The following TOMM70 variants were observed in gnomAD, a reference collection of about 807,000 sequenced individuals.
TOMM70 encodes translocase of outer mitochondrial membrane 70.
In TOMM70, 13 loss-of-function variants were observed where a neutral mutation model predicts 73.6. That is an observed-to-expected ratio of 0.18 (90% CI 0.11 to 0.28). The LOEUF (loss-of-function observed/expected upper bound fraction) is 0.28, where lower values mean the gene tolerates loss of function less well. TOMM70 is among the 10% of genes least tolerant of loss of function. The pLI, the probability that TOMM70 is intolerant of heterozygous loss-of-function variation, is 1.00. For synonymous variants in TOMM70, 257 were observed against 271.2 expected (o/e 0.95, Z 0.51); for missense variants, 609 against 747.5 (o/e 0.81, Z 2.16).
rs539804269 is a variant in TOMM70 at position 100,401,033 on chromosome 3, G to A, written c.-84C>T. 44 of 1,393,654 alleles carry A rather than the reference G, an allele frequency of 3.2e-5. No homozygotes were observed. In the African/African-American group the frequency reaches 5.3e-4, roughly 17 times the overall value. 86.3% of individuals were successfully genotyped at this position (1,393,654 alleles called of 1,614,324 possible). On this transcript the variant is annotated 5_prime_UTR_variant, in exon 1 of 12. Transcript: ENST00000284320. ...GCGTGCGAAGGAAGACCGAGGGAGG[G>A]AAGGAAAGCAATGAGCGAGCGAGCA...
intron 6 of TOMM70, among the ~76,000 whole-genome samples, chr3:100,375,979 C>T (rs185938279): frequency 1.2e-4 from 18 of 152,078 alleles, no homozygotes; most frequent in Non-Finnish European, 2.1e-4. Flanking sequence ...TAATATATTT[C>T]CACCAGCAAT....
At chr3:100,373,730 C>A in intron 7 of TOMM70, 85 bp from the exon 8 acceptor site, 1 of 821,426 alleles carries the variant, frequency 1.2e-6, no homozygotes. Context: ...TACACCTCAG[C>A]ATAATGCTGA....
intron 1 of TOMM70, among the ~76,000 whole-genome samples, chr3:100,398,866 C>G (rs984615848): frequency 6.6e-6 from 1 of 152,230 alleles, no homozygotes; most frequent in African/African-American, 2.4e-5. Flanking sequence ...TAATGCTTCA[C>G]TCTCCCATAG....
chr3:100,374,461 T>G (rs543469432), intron 7 of TOMM70, among the ~76,000 whole-genome samples: 1 of 152,342 alleles, frequency 6.6e-6, no homozygotes, highest in Non-Finnish European at 1.5e-5. Flanking sequence ...TAGCTCACAC[T>G]TTATACCATA....
In TOMM70 at chr3:100,372,529, G is replaced by A. The variant is rs983792112; in HGVS notation, c.1452+77C>T. Reference sequence around the variant, plus strand: ...TTCCAAAGAAGCTGCAACCATGATAGCACTGTTTTCTGATTTCCATACTGA... The same window carrying A: ...TTCCAAAGAAGCTGCAACCATGATAACACTGTTTTCTGATTTCCATACTGA... On this transcript the variant is annotated intron_variant, in intron 9 of 11. Transcript: ENST00000284320. The A allele has an allele frequency of 3.0e-5, 35 of 1,161,252 alleles. 1 individual carries two copies. The highest frequency in any genetic ancestry group is 4.1e-5 in the Non-Finnish European group (33 of 798,244). 71.9% of individuals were successfully genotyped at this position (1,161,252 alleles called of 1,614,324 possible).
intron 1 of TOMM70, among the ~76,000 whole-genome samples, 167 bp from the exon 2 acceptor site, chr3:100,387,145 T>C (rs143799432): frequency 2.0e-5 from 3 of 152,314 alleles, no homozygotes; most frequent in Non-Finnish European, 4.4e-5. Flanking sequence ...GTAGGATTGT[T>C]GAGTCAAAAA....
chr3:100,386,971 A>G lies in TOMM70; in HGVS notation c.332T>C (p.Leu111Pro), dbSNP rs765666545. 1 of 1,613,482 alleles carries G rather than the reference A, an allele frequency of 6.2e-7. No individual in the cohort carries two copies. Among genetic ancestry groups the G allele is most frequent in the Non-Finnish European group, 8.5e-7 (1 of 1,179,854 alleles). ...ATTCTTGGCTGCTTGGGCTCTATCA[A>G]GAGAGTTCTGAAATGAGAGGAAACA... ...GPGAHLDMNS[L>P]DRAQAAKNKG... Residue 111 changes from leucine to proline, a missense_variant, in exon 2 of 12, where the codon CTT becomes CCT. This residue lies in a region of TOMM70 where 177 missense variants were observed against 163.5 expected (regional missense o/e 1.08). Coordinates refer to ENST00000284320, the MANE Select transcript of TOMM70 (RefSeq NM_014820.5).
In TOMM70 at chr3:100,365,344, TA is replaced by T; in HGVS notation, c.*219del. The T allele has an allele frequency of 1.9e-6, 1 of 530,596 alleles. No homozygotes were observed. The highest frequency in any genetic ancestry group is 3.2e-6 in the Non-Finnish European group (1 of 311,474). 32.9% of individuals were successfully genotyped at this position (530,596 alleles called of 1,614,324 possible). A position where few individuals can be genotyped will look rare whatever the true frequency, so the allele number is the denominator to read the frequency against. On this transcript the variant is annotated 3_prime_UTR_variant, in exon 12 of 12. Coordinates refer to ENST00000284320, the MANE Select transcript of TOMM70 (RefSeq NM_014820.5). ...ATTTAAAAATCCCTTTAACATGTTCTAATCTTTTGTTGCACAGGGAATAAAA... is the reference window on the plus strand; with the variant it reads ...ATTTAAAAATCCCTTTAACATGTTCTATCTTTTGTTGCACAGGGAATAAAA...
chr3:100,368,207 T>A lies in TOMM70; in HGVS notation c.1551-41A>T, dbSNP rs1241121927. On this transcript the variant is annotated intron_variant, in intron 10 of 11. Transcript: ENST00000284320. ...AATGTCAGATGTGACCATGGCCCAG[T>A]ATCAGTAGGAATACACACACATTAA... The A allele has an allele frequency of 4.4e-6, 7 of 1,597,514 alleles. No homozygotes were observed. The Admixed American group carries it at 1.2e-4, about 28-fold the overall frequency.
At chr3:100,388,581 G>T (rs538007709) in intron 1 of TOMM70, among the ~76,000 whole-genome samples, 23 of 152,218 alleles carry the variant, frequency 1.5e-4, no homozygotes, top group Admixed American at 9.8e-4. Flanking sequence ...GACAGTGACA[G>T]GGCATACCAT....
chr3:100,377,992 A>G, intron 5 of TOMM70, 80 bp from the exon 6 acceptor site: 1 of 1,283,776 alleles, frequency 7.8e-7, no homozygotes, highest in East Asian at 2.4e-5. Context: ...CACGCCTGTA[A>G]TCCCAGCACT....
intron 10 of TOMM70, 74 bp from the exon 11 acceptor site, chr3:100,368,240 C>T: frequency 2.7e-6 from 4 of 1,484,066 alleles, no homozygotes; most frequent in Admixed American, 2.3e-5. Flanking sequence ...TAATATGACT[C>T]AATTTCTGCC....
chr3:100,388,570 T>C (rs1351418761), intron 1 of TOMM70, among the ~76,000 whole-genome samples: 1 of 151,988 alleles, frequency 6.6e-6, no homozygotes, highest in Non-Finnish European at 1.5e-5. Context: ...AAGAGACAAA[T>C]GACAGTGACA....
At chr3:100,398,812 A>G (rs866741832) in intron 1 of TOMM70, among the ~76,000 whole-genome samples, 3 of 152,228 alleles carry the variant, frequency 2.0e-5, no homozygotes, top group Non-Finnish European at 2.9e-5. Context: ...AACACAGTCC[A>G]TAAGTTCTTC....
intron 1 of TOMM70, among the ~76,000 whole-genome samples, chr3:100,395,897 G>T (rs1211840204): frequency 6.6e-6 from 1 of 152,066 alleles, no homozygotes; most frequent in Non-Finnish European, 1.5e-5. Flanking sequence ...AAATGGAAAA[G>T]TCCAGGGTGT....
At chr3:100,386,489 C>T in intron 2 of TOMM70, 145 bp from the exon 3 acceptor site, 1 of 935,118 alleles carries the variant, frequency 1.1e-6, no homozygotes, top group East Asian at 2.8e-5. Flanking sequence ...CAATATATTA[C>T]AAAAGCTCAT....
chr3:100,388,573 C>T (rs1383996396), intron 1 of TOMM70, among the ~76,000 whole-genome samples: 2 of 152,126 alleles, frequency 1.3e-5, no homozygotes, highest in Admixed American at 6.6e-5. Context: ...AGACAAATGA[C>T]AGTGACAGGG....
At position 100,377,838 on chromosome 3, in the gene TOMM70, T is replaced by C; in HGVS notation, c.959A>G (p.Glu320Gly). Residue 320 changes from glutamate (E) to glycine (G), a missense_variant, in exon 6 of 12, where the codon GAA becomes GGA. Physicochemically the swap from Glu to Gly is moderately conservative, Grantham distance 98. Around this residue, in one of 2 missense-constraint regions of TOMM70, gnomAD observed 432 missense variants for 584.1 expected, o/e 0.74. Coordinates refer to ENST00000284320, the MANE Select transcript of TOMM70 (RefSeq NM_014820.5). ...CATGTATTTGCCTTCAGCATCTATT[T>C]CTTTTGAGCATTCACTTATGATTTT... ...YDKIISECSK[E>G]IDAEGKYMAE... 6.2e-7 allele frequency: 1 copy of C among 1,614,246 alleles called. No individual in the cohort carries two copies. The highest frequency in any genetic ancestry group is 8.5e-7 in the Non-Finnish European group (1 of 1,180,038).
chr3:100,369,837 ATAAGT>A (rs1706489111), intron 9 of TOMM70, among the ~76,000 whole-genome samples: 1 of 152,192 alleles, frequency 6.6e-6, no homozygotes, highest in South Asian at 2.1e-4. Flanking sequence ...ATTTGGAAGT[ATAAGT>A]TAAGATGTAT....
Sources: allele counts gnomAD v4.1 joint callset (sites outside exome capture counted in the v4.1 genomes callset), GRCh38; gene constraint gnomAD v4.1.1; regional missense constraint gnomAD v4.1.1; transcripts MANE v1.5; gene names NCBI Gene and HGNC (gene_info 2026-07-23, HGNC 2026-07-21).